Variants in ATG4B observed in about 807,000 individuals in gnomAD.
ATG4B encodes the protein autophagy related 4B cysteine peptidase.
A neutral mutation model predicts 56.6 loss-of-function variants in ATG4B; 29 were observed. The observed-to-expected ratio is 0.51, with a 90% CI of 0.38 to 0.70. The LOEUF is 0.70. Ranked by LOEUF, ATG4B falls within the 30% of genes least tolerant of loss-of-function variation. The probability of loss-of-function intolerance (pLI) is 0.00; values close to 1 mark genes in which losing one functional copy is unlikely to be tolerated. For synonymous variants in ATG4B, 224 were observed against 206.1 expected, an observed-to-expected ratio of 1.09 and a Z score of -0.74; for missense variants, 461 against 515.5, an observed-to-expected ratio of 0.89 and a Z score of 1.02.
At chr2:241,669,266 C>A (rs1189523492) in intron 10 of ATG4B, among the ~76,000 whole-genome samples, 1 of 152,016 alleles carries the variant, frequency 6.6e-6, no homozygotes, top group African/African-American at 2.4e-5. Flanking sequence ...GGAAAGAGGC[C>A]AAAAAACCCC....
At chr2:241,650,285 G>T (rs1429336206) in intron 1 of ATG4B, among the ~76,000 whole-genome samples, 1 of 152,114 alleles carries the variant, frequency 6.6e-6, no homozygotes, top group African/African-American at 2.4e-5. Context: ...TTTGTACCCG[G>T]GTACCTCTGG....
chr2:241,671,856 C>G (rs1221015487), intron 12 of ATG4B: 1 of 1,294,906 alleles, frequency 7.7e-7, no homozygotes, highest in Middle Eastern at 3.1e-4. Context: ...TCCTCCTCAT[C>G]TCTGTCTCCC....
intron 1 of ATG4B, among the ~76,000 whole-genome samples, chr2:241,650,063 C>T (rs1256008939): frequency 6.6e-6 from 1 of 152,184 alleles, no homozygotes; most frequent in Non-Finnish European, 1.5e-5. Context: ...GGATCACAGG[C>T]ATGAGCCACT....
At chr2:241,640,076 A>G (rs140485230) in intron 1 of ATG4B, among the ~76,000 whole-genome samples, 1,771 of 152,350 alleles carry the variant, frequency 0.012, 42 homozygotes, top group African/African-American at 0.041. Context: ...GACTTGGCTA[A>G]GGTCAAAAAC....
At chr2:241,670,870 G>A in intron 11 of ATG4B, 88 bp downstream of exon 11, 2 of 1,369,766 alleles carry the variant, frequency 1.5e-6, no homozygotes, top group Non-Finnish European at 1.0e-6. Flanking sequence ...CCTGCGTCCA[G>A]GTCTCAGGCA....
intron 1 of ATG4B, among the ~76,000 whole-genome samples, chr2:241,647,747 A>C (rs898995189): frequency 6.6e-6 from 1 of 152,140 alleles, no homozygotes; most frequent in Non-Finnish European, 1.5e-5. Flanking sequence ...AAAGAATAGT[A>C]GGGACTTCTG....
At chr2:241,648,781 G>T (rs1422687806) in intron 1 of ATG4B, among the ~76,000 whole-genome samples, 1 of 152,144 alleles carries the variant, frequency 6.6e-6, no homozygotes, top group African/African-American at 2.4e-5. Context: ...TTTAAACAGT[G>T]CCTGTAGGGC....
At chr2:241,641,524 T>C (rs1230777242) in intron 1 of ATG4B, among the ~76,000 whole-genome samples, 2 of 139,288 alleles carry the variant, frequency 1.4e-5, no homozygotes, top group Non-Finnish European at 3.0e-5. Context: ...CACTCCAGCC[T>C]GGGCGACAGA....
Position 241,666,694 on chromosome 2 carries a change from T to C in ATG4B, c.588T>C (p.Pro196=). 1 of 1,613,388 alleles carries C rather than the reference T, an allele frequency of 6.2e-7. No homozygotes were observed. The highest frequency in any genetic ancestry group is 8.5e-7 in the Non-Finnish European group (1 of 1,179,698). The change falls in exon 8 of 13, where the codon CCT becomes CCC. Residue 196 remains proline, a synonymous_variant. Transcript: ENST00000404914. ...CCTGTGCAGGCGCCACTGCGTTTCC[T>C]GCAGATTCCGACCGGCACTGCAACG... The part of the protein sequence containing the change: ...SVPCAGATAF[P]ADSDRHCNGF...
intron 1 of ATG4B, among the ~76,000 whole-genome samples, chr2:241,639,917 A>G (rs1007591435): frequency 2.0e-5 from 3 of 152,170 alleles, no homozygotes; most frequent in African/African-American, 7.2e-5. Flanking sequence ...CAGTCTGTGG[A>G]TTTATCCGAG....
At chr2:241,662,456 T>C (rs954096686) in intron 7 of ATG4B, among the ~76,000 whole-genome samples, 3 of 152,186 alleles carry the variant, frequency 2.0e-5, no homozygotes, top group Non-Finnish European at 4.4e-5. Context: ...GTTCAAAATA[T>C]AAAGAGAACA....
chr2:241,669,568 C>T (rs145530859), intron 10 of ATG4B, among the ~76,000 whole-genome samples: 9,400 of 152,194 alleles, frequency 0.062, 917 homozygotes, highest in African/African-American at 0.21. Context: ...AGTGCAGTGG[C>T]ACGATCTCGG....
At chr2:241,638,245 T>A (rs2067745567) in intron 1 of ATG4B, 1 of 152,266 alleles carries the variant, frequency 6.6e-6, no homozygotes. Flanking sequence ...CTTTTTTGTT[T>A]TTGTCTTCAA....
At chr2:241,670,924 A>G (rs1575094592) in intron 11 of ATG4B, 142 bp downstream of exon 11, 1 of 904,180 alleles carries the variant, frequency 1.1e-6, no homozygotes, top group Non-Finnish European at 1.7e-6. Flanking sequence ...TGGCACAGCT[A>G]TGTAGCTGAG....
At position 241,672,174 on chromosome 2, in the gene ATG4B, T is replaced by C. The variant is rs1472139492; in HGVS notation, c.1109-17T>C. Reference sequence around the variant, plus strand: ...CCCACCCAAGATGCCTGATGCGCTATGTCCTGTTCCTTCTAGATTCTTCTG... The same window carrying C: ...CCCACCCAAGATGCCTGATGCGCTACGTCCTGTTCCTTCTAGATTCTTCTG... On this transcript the variant is annotated splice_polypyrimidine_tract_variant and intron_variant, in intron 12 of 12. Coordinates refer to ENST00000404914, the MANE Select transcript of ATG4B (RefSeq NM_013325.5). The C allele has an allele frequency of 5.7e-6, 9 of 1,567,742 alleles. No individual in the cohort carries two copies. Among genetic ancestry groups the C allele is most frequent in the South Asian group, 3.5e-5 (3 of 85,180 alleles).
At chr2:241,667,775 GTCTCAGCTGCCCCCACACA>G (rs2068825949) in intron 8 of ATG4B, 1 of 207,196 alleles carries the variant, frequency 4.8e-6, no homozygotes. Context: ...ATCCTGTGGG[GTCTCAGCTGCCCCCACACA>G]TAGGCCCCGT....
intron 11 of ATG4B, among the ~76,000 whole-genome samples, 200 bp from the exon 12 acceptor site, chr2:241,671,112 G>A (rs770554887): frequency 6.6e-6 from 1 of 152,228 alleles, no homozygotes; most frequent in Non-Finnish European, 1.5e-5. Context: ...ACCCCCCTCT[G>A]CCGTGGTGGT....
intron 1 of ATG4B, among the ~76,000 whole-genome samples, chr2:241,645,488 G>A (rs899778502): frequency 6.6e-6 from 1 of 152,196 alleles, no homozygotes; most frequent in Non-Finnish European, 1.5e-5. Context: ...CTGCTCACCC[G>A]TTTCAGTGAT....
chr2:241,642,984 G>A (rs1290620468), intron 1 of ATG4B, among the ~76,000 whole-genome samples: 1 of 147,262 alleles, frequency 6.8e-6, no homozygotes, highest in African/African-American at 2.5e-5. Context: ...CTGGGTTCAA[G>A]AGATTCTCCT....
Sources: allele counts gnomAD v4.1 joint callset (sites outside exome capture counted in the v4.1 genomes callset), GRCh38; gene constraint gnomAD v4.1.1; transcripts MANE v1.5; gene names NCBI Gene and HGNC (gene_info 2026-07-23, HGNC 2026-07-21).